Variants in CCDC122 observed in about 807,000 individuals in gnomAD.
CCDC122 encodes the protein coiled-coil domain containing 122, also known as coiled-coil domain-containing protein 122.
A neutral mutation model predicts 37.0 loss-of-function variants in CCDC122; 38 were observed. That is an observed-to-expected ratio of 1.03 (90% confidence interval 0.79 to 1.35). The LOEUF (loss-of-function observed/expected upper bound fraction) is 1.35, where lower values mean the gene tolerates loss of function less well. Ranked by LOEUF, CCDC122 falls within the 40% of genes most tolerant of loss-of-function variation. The pLI, the probability that CCDC122 is intolerant of heterozygous loss-of-function variation, is 0.00. For synonymous variants in CCDC122, 83 were observed against 95.6 expected, an observed-to-expected ratio of 0.87 and a Z score of 0.77; for missense variants, 305 against 310.0, an observed-to-expected ratio of 0.98 and a Z score of 0.12.
chr13:43,831,703 T>C (rs1877640602), downstream of CCDC122, among the ~76,000 whole-genome samples: 1 of 152,216 alleles, frequency 6.6e-6, no homozygotes, highest in Non-Finnish European at 1.5e-5. Flanking sequence ...AATTTCGACA[T>C]GATTTTTATG....
chr13:43,859,688 C>T lies in CCDC122; in HGVS notation c.539G>A (p.Arg180Gln), dbSNP rs372835980. Residue 180 changes from arginine to glutamine, a missense_variant, in exon 5 of 7, where the codon CGA becomes CAA. Arg to Gln is a conservative substitution (Grantham distance 43). Coordinates refer to ENST00000444614, the MANE Select transcript of CCDC122 (RefSeq NM_144974.5). ...TTTGCACACCTGTACTTGTGTTATT[C>T]GGTTCCCTCCTGGATTTTGAAGATC... is the stretch of plus-strand genomic sequence containing the variant. ...MQDLQNPGGNRITQVQEDITN... is the reference protein window; with the variant it reads ...MQDLQNPGGNQITQVQEDITN... 28 of 1,550,518 alleles carry T rather than the reference C, an allele frequency of 1.8e-5. No individual in the cohort carries two copies. The highest frequency in any genetic ancestry group is 1.1e-4 in the African/African-American group (8 of 71,708).
At chr13:43,866,879 C>T (rs540539384) in intron 4 of CCDC122, among the ~76,000 whole-genome samples, 2 of 152,164 alleles carry the variant, frequency 1.3e-5, no homozygotes, top group African/African-American at 4.8e-5. Context: ...TGAATAAAAA[C>T]AGATTTACTT....
chr13:43,868,178 T>C (rs1189762993), intron 4 of CCDC122, among the ~76,000 whole-genome samples: 1 of 152,170 alleles, frequency 6.6e-6, no homozygotes, highest in Non-Finnish European at 1.5e-5. Flanking sequence ...GATACTGTTT[T>C]CATTTTCATT....
intron 1 of CCDC122, among the ~76,000 whole-genome samples, chr13:43,878,456 T>G (rs554119729): frequency 9.8e-5 from 15 of 152,300 alleles, no homozygotes; most frequent in African/African-American, 3.1e-4. Context: ...TCCCAGTCTC[T>G]AGTCAAGCAC....
At position 43,868,813 on chromosome 13, in the gene CCDC122, G is replaced by GAAAAAA; in HGVS notation, c.47-11_47-10insTTTTTT. On this transcript the variant is annotated splice_polypyrimidine_tract_variant and intron_variant, in intron 3 of 6. Coordinates refer to ENST00000444614, the MANE Select transcript of CCDC122 (RefSeq NM_144974.5). ...CTTGTGTCTTGGTTATCTACAATTA[G>GAAAAAA]ACAAAAGAATAAAGTATATAATAAA... is the stretch of plus-strand genomic sequence containing the variant. 7.5e-7 allele frequency: 1 copy of GAAAAAA among 1,340,874 alleles called. No individual in the cohort carries two copies. Among genetic ancestry groups the GAAAAAA allele is most frequent in the East Asian group, 2.6e-5 (1 of 37,956 alleles). 83.1% of individuals were successfully genotyped at this position (1,340,874 alleles called of 1,614,324 possible).
intron 3 of CCDC122, among the ~76,000 whole-genome samples, chr13:43,826,609 T>G (rs1466783386): frequency 6.6e-6 from 1 of 152,168 alleles, no homozygotes; most frequent in Non-Finnish European, 1.5e-5. Context: ...TAAGAATACC[T>G]GTGATGCCAA....
chr13:43,873,197 A>G (rs920360092), intron 2 of CCDC122, among the ~76,000 whole-genome samples: 6 of 151,994 alleles, frequency 3.9e-5, no homozygotes, highest in African/African-American at 1.5e-4. Flanking sequence ...GATGCCATCT[A>G]GTTCTATGGC....
At chr13:43,878,637 G>T (rs1156695965) in intron 1 of CCDC122, among the ~76,000 whole-genome samples, 1 of 152,110 alleles carries the variant, frequency 6.6e-6, no homozygotes, top group East Asian at 1.9e-4. Context: ...TGGAAGGTCG[G>T]ATATTTTTTC....
At chr13:43,843,198 A>G (rs1953414261) in intron 6 of CCDC122, among the ~76,000 whole-genome samples, 1 of 151,960 alleles carries the variant, frequency 6.6e-6, no homozygotes, top group Non-Finnish European at 1.5e-5. Flanking sequence ...AAGTTGATGA[A>G]GTTTCCTTCT....
chr13:43,863,676 TGTG>T (rs1954184681), intron 4 of CCDC122, among the ~76,000 whole-genome samples: 1 of 2,898 alleles, frequency 3.5e-4, no homozygotes, highest in Admixed American at 4.4e-3. Flanking sequence ...TCTAGTGGGT[TGTG>T]TGTGTGTGTG....
chr13:43,852,947 C>T (rs775626848), intron 6 of CCDC122, among the ~76,000 whole-genome samples: 24 of 151,932 alleles, frequency 1.6e-4, no homozygotes, highest in Non-Finnish European at 2.8e-4. Flanking sequence ...TGAGGGAGTT[C>T]GTTACCACAA....
chr13:43,842,296 T>A (rs867905853), intron 6 of CCDC122, among the ~76,000 whole-genome samples: 2 of 152,140 alleles, frequency 1.3e-5, no homozygotes, highest in Non-Finnish European at 2.9e-5. Flanking sequence ...CATTTGTTGA[T>A]AAGACTTTCC....
chr13:43,825,627 G>A lies in CCDC122; in HGVS notation n.602-1616C>T, dbSNP rs533873654. The stretch of plus-strand genomic sequence containing the variant: ...TCTACTAAAAATGTAAATATTAGCT[G>A]GGCGTGGTGGTGTGCGCTTGTAGTC... On this transcript the variant is annotated intron_variant and non_coding_transcript_variant, in intron 3 of 3. Coordinates refer to the CCDC122 transcript ENST00000470137. Among the ~76,000 whole-genome samples the A allele has an allele frequency of 5.3e-5, 8 of 152,224 alleles. No individual in the cohort carries two copies. The South Asian group carries it at 1.0e-3, about 20-fold the overall frequency.
downstream of CCDC122, among the ~76,000 whole-genome samples, chr13:43,831,869 C>T (rs1953092564): frequency 6.6e-6 from 1 of 152,084 alleles, no homozygotes; most frequent in African/African-American, 2.4e-5. Flanking sequence ...CCTGTCATTA[C>T]CAAATCATAT....
chr13:43,827,231 G>A (rs908458658), intron 3 of CCDC122, among the ~76,000 whole-genome samples: 7 of 152,102 alleles, frequency 4.6e-5, no homozygotes, highest in Non-Finnish European at 1.0e-4. Flanking sequence ...TTCCAGAAAA[G>A]CATTTTCAAA....
chr13:43,846,984 AC>A lies in CCDC122; in HGVS notation c.673-9556del, dbSNP rs144944202. ...GAAAGAGCACAGATTTTATCTCATG[AC>A]CCAGTAATTCTACTTCTTGGTGCAA... On this transcript the variant is annotated intron_variant, in intron 6 of 6. Transcript: ENST00000444614. 9.7e-3 allele frequency among the ~76,000 whole-genome samples: 1,480 copies of A among 152,306 alleles called. 7 individuals carry two copies. Among genetic ancestry groups the A allele is most frequent in the Middle Eastern group, 0.024 (7 of 294 alleles).
intron 2 of CCDC122, 200 bp downstream of exon 2, chr13:43,874,642 T>A (rs1288979644): frequency 1.3e-5 from 2 of 152,204 alleles, no homozygotes; most frequent in Non-Finnish European, 2.9e-5. Context: ...TTTAGTTTTT[T>A]TTCCCCAGAC....
At chr13:43,831,538 T>C (rs1953089794), downstream of CCDC122, among the ~76,000 whole-genome samples, 2 of 152,172 alleles carry the variant, frequency 1.3e-5, no homozygotes, top group African/African-American at 4.8e-5. Context: ...CAATAGCAGA[T>C]GGAGTAGATA....
chr13:43,868,850 A>G (rs1351358986), intron 3 of CCDC122, 47 bp from the exon 4 acceptor site: 1 of 800,140 alleles, frequency 1.2e-6, no homozygotes, highest in South Asian at 3.4e-5. Flanking sequence ...ATTAAAATAC[A>G]GCCATTTTAA....
Sources: allele counts gnomAD v4.1 joint callset (sites outside exome capture counted in the v4.1 genomes callset), GRCh38; gene constraint gnomAD v4.1.1; transcripts MANE v1.5; gene names NCBI Gene and HGNC (gene_info 2026-07-23, HGNC 2026-07-21).